C17orf107: variants seen among roughly 807,000 people sequenced by gnomAD.
The protein encoded by C17orf107 is uncharacterized protein C17orf107.
C17orf107 carries 9 observed loss-of-function variants against 8.9 expected under a neutral mutation model. The observed-to-expected ratio is 1.02, with a 90% confidence interval of 0.61 to 1.77. C17orf107 has a LOEUF of 1.77. Among genes scored for constraint, C17orf107 ranks in the 40% most tolerant of loss-of-function variants. The pLI is 0.00. For synonymous variants in C17orf107, 139 were observed against 120.3 expected (o/e 1.16, Z -1.02); for missense variants, 281 against 249.0 (o/e 1.13, Z -0.86).
Position 4,900,342 on chromosome 17 carries a change from G to A in C17orf107, c.382G>A (p.Ala128Thr). ...TGCAGCGCTGAGCCGGGTAGCCCAA[G>A]CCGCAGGGCAGGGGGTTCGGCAAGC... ...PGAALSRVAQ[A>T]AGQGVRQAGA... Residue 128 changes from alanine (A) to threonine (T), a missense_variant, in exon 3 of 3, where the codon GCC (alanine) becomes ACC (threonine). Transcript: ENST00000381365. 6.5e-7 allele frequency: 1 copy of A among 1,546,956 alleles called. No individual in the cohort carries two copies. Among genetic ancestry groups the A allele is most frequent in the Non-Finnish European group, 8.7e-7 (1 of 1,146,286 alleles).
Position 4,900,041 on chromosome 17 carries a change from G to A in C17orf107, c.172G>A (p.Glu58Lys), listed in dbSNP as rs1026648843. Reference sequence around the variant, plus strand: ...AGAGCTGAAGTCCCTGGAGCCACCCGAACCGAAGATGCAGGGGATGCTGCC... The same window carrying A: ...AGAGCTGAAGTCCCTGGAGCCACCCAAACCGAAGATGCAGGGGATGCTGCC... ...FRELKSLEPP[E>K]PKMQGMLPAP... is the part of the protein sequence containing the mutation. The change falls in exon 2 of 3, where the codon GAA becomes AAA. Residue 58 changes from glutamate to lysine, a missense_variant. Physicochemically the swap from Glu to Lys is moderately conservative, Grantham distance 56. Coordinates refer to ENST00000381365, the MANE Select transcript of C17orf107 (RefSeq NM_001145536.2). 1.7e-5 allele frequency: 26 copies of A among 1,551,244 alleles called. 1 individual carries two copies. The South Asian group carries it at 2.7e-4, about 16-fold the overall frequency.
rs1443865491 is a variant in C17orf107 at position 4,900,952 on chromosome 17, A to C, written c.*419A>C. The C allele has an allele frequency of 6.2e-7, 1 of 1,613,846 alleles. No homozygotes were observed. Among genetic ancestry groups the C allele is most frequent in the East Asian group, 2.2e-5 (1 of 44,866 alleles). ...GAGCGGGCCCCGCCTCCCGGGAGCG[A>C]GCCCGGGTTTGGGGGTAGGTTCGGG... On this transcript the variant is annotated 3_prime_UTR_variant, in exon 3 of 3. Transcript: ENST00000381365.
chr17:4,901,895 A>G lies in C17orf107; in HGVS notation c.*1362A>G, dbSNP rs764476008. 29 of 1,247,454 alleles carry G rather than the reference A, an allele frequency of 2.3e-5. No homozygotes were observed. Among genetic ancestry groups the G allele is most frequent in the East Asian group, 2.3e-4 (7 of 31,038 alleles). The allele number at this position is 1,247,454 out of a possible 1,614,324, so 77.3% of individuals were successfully genotyped here. A position where few individuals can be genotyped will look rare whatever the true frequency, so the allele number is the denominator to read the frequency against. ...CCCCGCCCCATAAGGCCCCCCCCCAACAATAATCGTCCGGGCCTCGGAGTA... is the reference window on the plus strand; with the variant it reads ...CCCCGCCCCATAAGGCCCCCCCCCAGCAATAATCGTCCGGGCCTCGGAGTA... On this transcript the variant is annotated 3_prime_UTR_variant, in exon 3 of 3. Transcript: ENST00000381365.
downstream of C17orf107, among the ~76,000 whole-genome samples, chr17:4,903,328 C>T (rs898773332): frequency 2.6e-5 from 4 of 151,972 alleles, no homozygotes; most frequent in African/African-American, 7.3e-5. Flanking sequence ...CAGATGTGGG[C>T]GTCTCCTGAG....
In C17orf107 at chr17:4,901,573, CGTT is replaced by C; in HGVS notation, c.*1043_*1045del. 4 of 1,614,156 alleles carry C rather than the reference CGTT, an allele frequency of 2.5e-6. No homozygotes were observed. Among genetic ancestry groups the C allele is most frequent in the Non-Finnish European group, 3.4e-6 (4 of 1,180,024 alleles). On this transcript the variant is annotated 3_prime_UTR_variant, in exon 3 of 3. Transcript: ENST00000381365. ...TCGATCTTGTTGATGGTCTTGCCGT[CGTT>C]GTCTACGGCAAAAGTGAACTCCACC...
chr17:4,901,924 C>A lies in C17orf107; in HGVS notation c.*1391C>A, dbSNP rs759432257. 5.9e-6 allele frequency: 9 copies of A among 1,530,348 alleles called. No individual in the cohort carries two copies. Among genetic ancestry groups the A allele is most frequent in the Non-Finnish European group, 8.0e-6 (9 of 1,128,800 alleles). The allele number at this position is 1,530,348 out of a possible 1,614,324, so 94.8% of individuals were successfully genotyped here. A position where few individuals can be genotyped will look rare whatever the true frequency, so the allele number is the denominator to read the frequency against. On this transcript the variant is annotated 3_prime_UTR_variant, in exon 3 of 3. Transcript: ENST00000381365. Reference sequence around the variant, plus strand: ...TAATCGTCCGGGCCTCGGAGTAGCTCTTCCCACCGGAAAATAAGCGAACAG... The same window carrying A: ...TAATCGTCCGGGCCTCGGAGTAGCTATTCCCACCGGAAAATAAGCGAACAG...
chr17:4,900,209 C>T lies in C17orf107; in HGVS notation c.277-28C>T, dbSNP rs1340694954. 4 of 1,543,186 alleles carry T rather than the reference C, an allele frequency of 2.6e-6. No individual in the cohort carries two copies. In the South Asian group the frequency reaches 4.8e-5, roughly 18 times the overall value. On this transcript the variant is annotated intron_variant, in intron 2 of 2. Transcript: ENST00000381365. ...TAGCGGGAACAAGGACCTCTGCCTC[C>T]CCGCTAACCCCTGTGCCCCCAATGC...
At position 4,901,884 on chromosome 17, in the gene C17orf107, GCCC is replaced by G; in HGVS notation, c.*1358_*1360del. The G allele has an allele frequency of 6.6e-7, 1 of 1,526,260 alleles. No homozygotes were observed. Among genetic ancestry groups the G allele is most frequent in the Non-Finnish European group, 9.0e-7 (1 of 1,111,194 alleles). The allele number at this position is 1,526,260 out of a possible 1,614,324, so 94.5% of individuals were successfully genotyped here. On this transcript the variant is annotated 3_prime_UTR_variant, in exon 3 of 3. Coordinates refer to ENST00000381365, the MANE Select transcript of C17orf107 (RefSeq NM_001145536.2). ...TTCCCGGTTGGCCCCGCCCCATAAGGCCCCCCCCCAACAATAATCGTCCGGGCC... is the reference window on the plus strand; with the variant it reads ...TTCCCGGTTGGCCCCGCCCCATAAGGCCCCCCAACAATAATCGTCCGGGCC...
downstream of C17orf107, among the ~76,000 whole-genome samples, chr17:4,903,315 C>T (rs932469382): frequency 6.6e-6 from 1 of 152,092 alleles, no homozygotes; most frequent in East Asian, 1.9e-4. Context: ...AACTCCCCAG[C>T]CACAGATGTG....
Position 4,899,838 on chromosome 17 carries a change from C to T in C17orf107, c.66+10C>T, listed in dbSNP as rs1487464258. The T allele has an allele frequency of 3.9e-6, 6 of 1,550,872 alleles. No homozygotes were observed. In the Admixed American group the frequency reaches 5.9e-5, roughly 15 times the overall value. ...CCACAGCTCCACCGAGGTGAGGCTA[C>T]GCCCGCCAAGGGCTGCACCTCGAGA... On this transcript the variant is annotated intron_variant, in intron 1 of 2. Transcript: ENST00000381365.
chr17:4,903,811 T>A (rs1446384353), downstream of C17orf107, among the ~76,000 whole-genome samples: 1 of 152,018 alleles, frequency 6.6e-6, no homozygotes, highest in African/African-American at 2.4e-5. Context: ...CGTGCACACA[T>A]ACACACACAC....
chr17:4,902,229 A>G lies in C17orf107; in HGVS notation c.*1696A>G, dbSNP rs1445875413. The G allele has an allele frequency of 3.7e-6, 6 of 1,613,974 alleles. No individual in the cohort carries two copies. The highest frequency in any genetic ancestry group is 5.1e-6 in the Non-Finnish European group (6 of 1,179,994). ...GCCCGGTTCTCACTTGTTTTCCAGC[A>G]CAATCTCTGGCAGCCACACGAGTTC... On this transcript the variant is annotated 3_prime_UTR_variant, in exon 3 of 3. Coordinates refer to ENST00000381365, the MANE Select transcript of C17orf107 (RefSeq NM_001145536.2). The surrounding 1 kb of genome is among the most constrained non-coding windows in gnomAD (Gnocchi z 4.0).
chr17:4,902,482 C>G lies in C17orf107; in HGVS notation c.*1949C>G, dbSNP rs149766604. 147 of 1,614,034 alleles carry G rather than the reference C, an allele frequency of 9.1e-5. No homozygotes were observed. The highest frequency in any genetic ancestry group is 1.1e-4 in the Non-Finnish European group (129 of 1,180,028). ...ATCCAGACGCTAGTGGTGAGAGTCT[C>G]CTCTTTTTCATTCTGCAGATGGGAG... On this transcript the variant is annotated 3_prime_UTR_variant, in exon 3 of 3. Coordinates refer to ENST00000381365, the MANE Select transcript of C17orf107 (RefSeq NM_001145536.2). This position sits in a 1 kb window ranked among gnomAD's most constrained non-coding sequence, Gnocchi z 4.0.
rs1225537395 is a variant in C17orf107, at chr17:4,902,376, G to T, written c.*1843G>T. The T allele has an allele frequency of 6.2e-7, 1 of 1,613,150 alleles. No individual in the cohort carries two copies. Among genetic ancestry groups the T allele is most frequent in the Non-Finnish European group, 8.5e-7 (1 of 1,179,058 alleles). On this transcript the variant is annotated 3_prime_UTR_variant, in exon 3 of 3. Transcript: ENST00000381365. The surrounding 1 kb of genome is among the most constrained non-coding windows in gnomAD (Gnocchi z 4.0). ...GCGTGCCCTGCATCTCCCACCTGGCGCTGCCTGGGAGGGGTTTGGGGGAAA... is the reference window on the plus strand; with the variant it reads ...GCGTGCCCTGCATCTCCCACCTGGCTCTGCCTGGGAGGGGTTTGGGGGAAA...
chr17:4,900,480 C>G lies in C17orf107; in HGVS notation c.520C>G (p.Leu174Val). Residue 174 changes from leucine to valine, a missense_variant, in exon 3 of 3, where the codon CTA becomes GTA. Physicochemically the swap from Leu to Val is conservative, Grantham distance 32. Transcript: ENST00000381365. ...ATTCCTGCGACAGTCGCAACAGCAG[C>G]TAGGCCTCGGAATCCCCGGAGAACC... ...ASFLRQSQQQLGLGIPGEPVS... is the reference protein window; with the variant it reads ...ASFLRQSQQQVGLGIPGEPVS... The G allele has an allele frequency of 1.3e-6, 2 of 1,551,104 alleles. No homozygotes were observed. Among genetic ancestry groups the G allele is most frequent in the Non-Finnish European group, 1.7e-6 (2 of 1,147,000 alleles).
chr17:4,902,250 A>G lies in C17orf107; in HGVS notation c.*1717A>G, dbSNP rs772495418. ...CAGCACAATCTCTGGCAGCCACACG[A>G]GTTCTGAAGGGACTCGCAGGGTTTC... On this transcript the variant is annotated 3_prime_UTR_variant, in exon 3 of 3. Coordinates refer to ENST00000381365, the MANE Select transcript of C17orf107 (RefSeq NM_001145536.2). This position sits in a 1 kb window ranked among gnomAD's most constrained non-coding sequence, Gnocchi z 4.0. 2.2e-5 allele frequency: 36 copies of G among 1,613,896 alleles called. No individual in the cohort carries two copies. The highest frequency in any genetic ancestry group is 3.0e-5 in the Non-Finnish European group (35 of 1,180,004).
chr17:4,899,716 C>A lies in C17orf107; in HGVS notation c.-47C>A. On this transcript the variant is annotated 5_prime_UTR_variant, in exon 1 of 3. Transcript: ENST00000381365. ...TCCAGCTGCGCCCCCTACACGACGA[C>A]AGACGCGTCCCCCAGCCCTTCTCCT... 1 of 1,523,914 alleles carries A rather than the reference C, an allele frequency of 6.6e-7. No homozygotes were observed. The highest frequency in any genetic ancestry group is 8.9e-7 in the Non-Finnish European group (1 of 1,122,300). The allele number at this position is 1,523,914 out of a possible 1,614,324, so 94.4% of individuals were successfully genotyped here.
chr17:4,902,759 C>T lies in C17orf107; in HGVS notation c.*2226C>T, dbSNP rs758923058. 1.2e-6 allele frequency: 2 copies of T among 1,614,024 alleles called. No individual in the cohort carries two copies. The highest frequency in any genetic ancestry group is 1.7e-6 in the Non-Finnish European group (2 of 1,180,012). On this transcript the variant is annotated 3_prime_UTR_variant, in exon 3 of 3. Transcript: ENST00000381365. The surrounding 1 kb of genome is among the most constrained non-coding windows in gnomAD (Gnocchi z 4.0). The stretch of plus-strand genomic sequence containing the variant: ...GCAGTTCCTCGTTCTTCCCCACACC[C>T]CTGCCTGCGATGGGGTCAAGAAGGA...
rs1969981980 is a variant in C17orf107, at chr17:4,901,467, A to C, written c.*934A>C. On this transcript the variant is annotated 3_prime_UTR_variant, in exon 3 of 3. Coordinates refer to ENST00000381365, the MANE Select transcript of C17orf107 (RefSeq NM_001145536.2). ...TGGTCCGGGGCAAGCCCACCGTGGA[A>C]GTCCCCTCTCTGGACCCCGTCTAGA... is the stretch of plus-strand genomic sequence containing the variant. 1 of 1,518,078 alleles carries C rather than the reference A, an allele frequency of 6.6e-7. No individual in the cohort carries two copies. Among genetic ancestry groups the C allele is most frequent in the Non-Finnish European group, 9.2e-7 (1 of 1,092,730 alleles). 94.0% of individuals were successfully genotyped at this position (1,518,078 alleles called of 1,614,324 possible).
Sources: gnomAD v4.1 joint callset for allele counts (sites outside exome capture counted in the v4.1 genomes callset) on GRCh38, gnomAD v4.1.1 for gene constraint, Gnocchi (gnomAD v3.1) non-coding constraint, MANE v1.5 for transcripts, NCBI Gene and HGNC (gene_info 2026-07-23, HGNC 2026-07-21) for gene names.